The following MSRA variants were observed in gnomAD, a reference collection of about 807,000 sequenced individuals.
MSRA encodes mitochondrial peptide methionine sulfoxide reductase.
A neutral mutation model predicts 31.3 loss-of-function variants in MSRA; 54 were observed. The ratio of observed to expected loss-of-function variants is 1.73; its 90% CI spans 1.39 to 2.17. MSRA has a LOEUF of 2.17. Ranked by LOEUF, MSRA falls within the 30% of genes most tolerant of loss-of-function variation. MSRA has a pLI of 0.00. For missense variants in MSRA, 507 were observed against 300.9 expected, an observed-to-expected ratio of 1.69 and a Z score of -5.07; for synonymous variants, 169 against 116.5, an observed-to-expected ratio of 1.45 and a Z score of -2.90.
intron 5 of MSRA, among the ~76,000 whole-genome samples, chr8:10,321,276 A>C (rs1454908257): frequency 6.6e-6 from 1 of 152,194 alleles, no homozygotes; most frequent in Non-Finnish European, 1.5e-5. Context: ...AGAAGCTACT[A>C]TAAAGCTAAT....
At chr8:10,323,447 T>C (rs1038430711) in intron 5 of MSRA, among the ~76,000 whole-genome samples, 1 of 152,142 alleles carries the variant, frequency 6.6e-6, no homozygotes, top group Admixed American at 6.5e-5. Context: ...GTGTTTGCAA[T>C]GAAGATTTTC....
At chr8:10,166,511 T>TTG (rs990867699) in intron 1 of MSRA, among the ~76,000 whole-genome samples, 1 of 151,960 alleles carries the variant, frequency 6.6e-6, no homozygotes, top group Non-Finnish European at 1.5e-5. Flanking sequence ...GTATGTGCAT[T>TTG]TGTGTGTGTG....
chr8:10,428,243 C>G lies in MSRA; in HGVS notation c.639C>G (p.Ser213Arg), dbSNP rs771275218. 1.7e-5 allele frequency: 28 copies of G among 1,614,078 alleles called. No homozygotes were observed. Among genetic ancestry groups the G allele is most frequent in the Non-Finnish European group, 2.3e-5 (27 of 1,180,034 alleles). The change falls in exon 6 of 6, where the codon AGC (serine) becomes AGG (arginine). Residue 213 changes from serine (S) to arginine (R), a missense_variant. By Grantham distance (110) the Ser-to-Arg change is moderately radical. Coordinates refer to ENST00000317173, the MANE Select transcript of MSRA (RefSeq NM_012331.5). ...YAEDYHQQYL[S>R]KNPNGYCGLG... ...AAGACTACCACCAGCAGTACCTGAG[C>G]AAGAACCCCAATGGCTACTGCGGCC...
chr8:10,350,762 C>A (rs1209929129), intron 5 of MSRA, among the ~76,000 whole-genome samples: 2 of 152,184 alleles, frequency 1.3e-5, no homozygotes, highest in African/African-American at 4.8e-5. Flanking sequence ...CAGACCGAGC[C>A]CCCAGCCGAC....
At chr8:10,110,523 TTGTC>T (rs1800203055) in intron 1 of MSRA, among the ~76,000 whole-genome samples, 1 of 152,232 alleles carries the variant, frequency 6.6e-6, no homozygotes, top group African/African-American at 2.4e-5. Context: ...ATTTGTGTCA[TTGTC>T]TGGCAAGTGC....
intron 5 of MSRA, among the ~76,000 whole-genome samples, chr8:10,348,072 C>A (rs1490103643): frequency 6.6e-6 from 1 of 152,140 alleles, no homozygotes; most frequent in African/African-American, 2.4e-5. Context: ...TAGAATAACC[C>A]TCACGTTAAG....
intron 3 of MSRA, among the ~76,000 whole-genome samples, chr8:10,264,764 C>A (rs765496358): frequency 6.6e-6 from 1 of 152,186 alleles, no homozygotes; most frequent in Admixed American, 6.5e-5. Context: ...GGGAGACAAT[C>A]CTTTATATCA....
At chr8:10,097,013 G>A (rs1410240588) in intron 1 of MSRA, among the ~76,000 whole-genome samples, 1 of 152,264 alleles carries the variant, frequency 6.6e-6, no homozygotes, top group South Asian at 2.1e-4. Flanking sequence ...CTGTGCTTTT[G>A]TTTGGAGTAT....
At chr8:10,070,259 C>T (rs998743363) in intron 1 of MSRA, among the ~76,000 whole-genome samples, 2 of 152,114 alleles carry the variant, frequency 1.3e-5, no homozygotes, top group Admixed American at 6.5e-5. Flanking sequence ...GCGTGGCAGC[C>T]GGGTTATGGT....
At position 10,245,082 on chromosome 8, in the gene MSRA, T is replaced by C. The variant is rs559839502; in HGVS notation, c.212-22T>C. On this transcript the variant is annotated intron_variant, in intron 2 of 5. Transcript: ENST00000317173. ...TGTTTTGAATAATCAGTATCCTTTT[T>C]TTTTCTTTTTTCTTTTTTAAGGAAT... The C allele has an allele frequency of 3.7e-6, 6 of 1,608,302 alleles. No homozygotes were observed. The African/African-American group carries it at 4.0e-5, about 11-fold the overall frequency.
At chr8:10,420,981 A>G (rs1362497494) in intron 5 of MSRA, among the ~76,000 whole-genome samples, 1 of 152,092 alleles carries the variant, frequency 6.6e-6, no homozygotes, top group East Asian at 1.9e-4. Context: ...TGGGTGACAG[A>G]GTGAGACCCT....
At chr8:10,363,399 T>TG (rs551796579) in intron 5 of MSRA, among the ~76,000 whole-genome samples, 62 of 152,192 alleles carry the variant, frequency 4.1e-4, no homozygotes, top group Admixed American at 7.9e-4. Context: ...TCAGACTGGG[T>TG]GGGGACCTCC....
intron 5 of MSRA, among the ~76,000 whole-genome samples, chr8:10,397,375 G>T (rs1807160668): frequency 1.3e-5 from 2 of 152,206 alleles, no homozygotes; most frequent in Non-Finnish European, 2.9e-5. Flanking sequence ...AATGAAAGCA[G>T]CCAGAGAATG....
intron 1 of MSRA, among the ~76,000 whole-genome samples, chr8:10,117,907 C>T (rs1432517679): frequency 2.0e-5 from 3 of 152,138 alleles, no homozygotes; most frequent in Non-Finnish European, 2.9e-5. Flanking sequence ...CCCAAATCAA[C>T]ACAAATGTAA....
chr8:10,319,854 G>C (rs779232454), intron 4 of MSRA, 29 bp from the exon 5 acceptor site: 10 of 1,418,462 alleles, frequency 7.0e-6, no homozygotes, highest in Middle Eastern at 1.9e-4. Flanking sequence ...TAGTGACCGG[G>C]TAACCCTCCC....
At chr8:10,365,643 A>G (rs1165921035) in intron 5 of MSRA, among the ~76,000 whole-genome samples, 1 of 152,208 alleles carries the variant, frequency 6.6e-6, no homozygotes, top group Non-Finnish European at 1.5e-5. Context: ...TAGACTGAGA[A>G]CATTAACTTT....
At chr8:10,323,882 C>T (rs1028558430) in intron 5 of MSRA, among the ~76,000 whole-genome samples, 8 of 152,052 alleles carry the variant, frequency 5.3e-5, no homozygotes, top group Non-Finnish European at 1.0e-4. Context: ...TTTAGTATCC[C>T]GATAGCCATT....
intron 3 of MSRA, among the ~76,000 whole-genome samples, chr8:10,290,311 G>C (rs1800162864): frequency 6.6e-6 from 1 of 152,204 alleles, no homozygotes; most frequent in South Asian, 2.1e-4. Context: ...ATAGTGGCAT[G>C]AACTACTTTG....
intron 1 of MSRA, among the ~76,000 whole-genome samples, chr8:10,112,076 T>A (rs1800332694): frequency 6.8e-6 from 1 of 147,316 alleles, no homozygotes; most frequent in Non-Finnish European, 1.5e-5. Flanking sequence ...TTAATCCTAA[T>A]AGATAGTCTT....
Sources: allele counts gnomAD v4.1 joint callset (sites outside exome capture counted in the v4.1 genomes callset), GRCh38; gene constraint gnomAD v4.1.1; transcripts MANE v1.5; gene names NCBI Gene and HGNC (gene_info 2026-07-23, HGNC 2026-07-21).